PHACTR2: variants seen among roughly 807,000 people sequenced by gnomAD.
The protein encoded by PHACTR2 is chromosome 6 open reading frame 56.
In PHACTR2, 30 loss-of-function variants were observed where a neutral mutation model predicts 76.0. That is an observed-to-expected ratio of 0.39 (90% CI 0.30 to 0.54). The LOEUF is 0.54. Among genes scored for constraint, PHACTR2 ranks in the 20% least tolerant of loss-of-function variants. PHACTR2 has a pLI of 0.61. For missense variants in PHACTR2, 696 were observed against 781.1 expected (o/e 0.89, Z 1.30); for synonymous variants, 292 against 292.5 (o/e 1.00, Z 0.02).
At chr6:143,593,829 A>G (rs1775720229) in intron 1 of PHACTR2, among the ~76,000 whole-genome samples, 1 of 152,222 alleles carries the variant, frequency 6.6e-6, no homozygotes, top group African/African-American at 2.4e-5. Flanking sequence ...ATCTCACTTC[A>G]AAAACACAAA....
chr6:143,624,198 CT>C lies in PHACTR2; in HGVS notation c.13+15877del, dbSNP rs1167332946. 3.9e-5 allele frequency among the ~76,000 whole-genome samples: 6 copies of C among 152,130 alleles called. No homozygotes were observed. Among genetic ancestry groups the C allele is most frequent in the East Asian group, 1.9e-4 (1 of 5,196 alleles). On this transcript the variant is annotated intron_variant, in intron 1 of 11. Transcript: ENST00000305766. This position sits in a 1 kb window ranked among gnomAD's most constrained non-coding sequence, Gnocchi z 4.6. ...CTCGGCTCATTACAACCTCTGCCCC[CT>C]GGGTTGAAGCAATTCTCCTGCCTCA...
Position 143,712,137 on chromosome 6 carries a change from A to G in PHACTR2, c.168A>G (p.Lys56=), listed in dbSNP as rs1488293148. ...TTGGTAAAATCTTTAAGCCTTGGAA[A>G]TGGAGGAAAAAGAAGACCAGCGACA... ...STIGKIFKPW[K]WRKKKTSDKF... Residue 56 remains lysine (K), a synonymous_variant, in exon 2 of 13, where the codon AAA becomes AAG. Coordinates refer to ENST00000440869, the MANE Select transcript of PHACTR2 (RefSeq NM_001100164.2). 2 of 1,569,802 alleles carry G rather than the reference A, an allele frequency of 1.3e-6. No individual in the cohort carries two copies. Among genetic ancestry groups the G allele is most frequent in the Non-Finnish European group, 1.7e-6 (2 of 1,162,644 alleles).
At chr6:143,670,369 C>T (rs1777131912) in intron 1 of PHACTR2, among the ~76,000 whole-genome samples, 1 of 152,014 alleles carries the variant, frequency 6.6e-6, no homozygotes, top group East Asian at 1.9e-4. Flanking sequence ...TCTGTATTTC[C>T]CGAATTTGAA....
At chr6:143,566,302 A>T (rs540582514) in intron 1 of PHACTR2, among the ~76,000 whole-genome samples, 32 of 149,348 alleles carry the variant, frequency 2.1e-4, no homozygotes, top group Non-Finnish European at 3.4e-4. Context: ...CTTATTTTGT[A>T]TTTTTTTTTA....
intron 2 of PHACTR2, among the ~76,000 whole-genome samples, chr6:143,715,139 C>G (rs1324410199): frequency 6.6e-6 from 1 of 152,140 alleles, no homozygotes; most frequent in African/African-American, 2.4e-5. Context: ...TCCAAGCCTC[C>G]GAACCATTAA....
chr6:143,607,851 AC>A (rs1178568141), upstream of PHACTR2, among the ~76,000 whole-genome samples: 1 of 152,188 alleles, frequency 6.6e-6, no homozygotes, highest in Non-Finnish European at 1.5e-5. Context: ...ATTTAGACAA[AC>A]CCCAAGGAAA....
chr6:143,736,386 C>T (rs1193367091), intron 2 of PHACTR2, among the ~76,000 whole-genome samples: 2 of 151,992 alleles, frequency 1.3e-5, no homozygotes, highest in African/African-American at 4.8e-5. Flanking sequence ...CTTGAGTTTG[C>T]ATTCTTAATC....
At chr6:143,638,639 T>G (rs546172562) in intron 1 of PHACTR2, among the ~76,000 whole-genome samples, 2 of 152,000 alleles carry the variant, frequency 1.3e-5, no homozygotes, top group African/African-American at 4.8e-5. Context: ...TCATTTTATA[T>G]TAAGCATTAA....
chr6:143,686,729 C>T (rs1209522488), intron 1 of PHACTR2, among the ~76,000 whole-genome samples: 1 of 152,124 alleles, frequency 6.6e-6, no homozygotes, highest in Admixed American at 6.6e-5. Flanking sequence ...TCGTGATCCA[C>T]CTGCCTCGGC....
In PHACTR2 at chr6:143,821,235, TAATA is replaced by T. The variant is rs1776411732; in HGVS notation, c.1923-2435_1923-2432del. On this transcript the variant is annotated intron_variant, in intron 12 of 12. Coordinates refer to ENST00000440869, the MANE Select transcript of PHACTR2 (RefSeq NM_001100164.2). The surrounding 1 kb of genome is among the most constrained non-coding windows in gnomAD (Gnocchi z 5.2). The stretch of plus-strand genomic sequence containing the variant: ...CAAAGTGGACACATTCCTGCTTTAG[TAATA>T]AATTGCCTACCAGTTTTGTAAAGCT... Among the ~76,000 whole-genome samples, 1 of 152,274 alleles carries T rather than the reference TAATA, an allele frequency of 6.6e-6. No homozygotes were observed. The highest frequency in any genetic ancestry group is 1.5e-5 in the Non-Finnish European group (1 of 68,042).
chr6:143,612,038 T>C (rs1161554514), intron 1 of PHACTR2, among the ~76,000 whole-genome samples: 1 of 152,186 alleles, frequency 6.6e-6, no homozygotes, highest in East Asian at 1.9e-4. Flanking sequence ...CATTTTGACA[T>C]TGTTGGGTTT....
Position 143,754,870 on chromosome 6 carries a change from C to T in PHACTR2, c.454+958C>T, listed in dbSNP as rs1437219495. Reference sequence around the variant, plus strand: ...GTGTGTGTTCTGTGGGCATTTTGAACTCTTAGAAACTGATGAAAGTGAATT... The same window carrying T: ...GTGTGTGTTCTGTGGGCATTTTGAATTCTTAGAAACTGATGAAAGTGAATT... On this transcript the variant is annotated intron_variant, in intron 4 of 12. Transcript: ENST00000440869. This position sits in a 1 kb window ranked among gnomAD's most constrained non-coding sequence, Gnocchi z 6.2. Among the ~76,000 whole-genome samples, 1 of 152,118 alleles carries T rather than the reference C, an allele frequency of 6.6e-6. No homozygotes were observed. Among genetic ancestry groups the T allele is most frequent in the Admixed American group, 6.5e-5 (1 of 15,274 alleles).
Position 143,755,219 on chromosome 6 carries a change from T to G in PHACTR2, c.454+1307T>G. 2.2e-6 allele frequency: 1 copy of G among 451,764 alleles called. No individual in the cohort carries two copies. The highest frequency in any genetic ancestry group is 4.5e-6 in the Non-Finnish European group (1 of 224,048). 28.0% of individuals were successfully genotyped at this position (451,764 alleles called of 1,614,324 possible). A position where few individuals can be genotyped will look rare whatever the true frequency, so the allele number is the denominator to read the frequency against. The stretch of plus-strand genomic sequence containing the variant: ...CTGGAACATAAAAAGAAAGTAGACT[T>G]AAATAAATTTTAGTGGGATTCAGTT... On this transcript the variant is annotated intron_variant, in intron 4 of 12. Transcript: ENST00000440869. This position sits in a 1 kb window ranked among gnomAD's most constrained non-coding sequence, Gnocchi z 5.2.
At position 143,539,837 on chromosome 6, in the gene PHACTR2, T is replaced by A. The variant is rs1158713490; in HGVS notation, c.217+2630T>A. Among the ~76,000 whole-genome samples the A allele has an allele frequency of 6.6e-6, 1 of 152,202 alleles. No individual in the cohort carries two copies. Among genetic ancestry groups the A allele is most frequent in the African/African-American group, 2.4e-5 (1 of 41,450 alleles). On this transcript the variant is annotated intron_variant, in intron 1 of 11. Transcript: ENST00000367584. This position sits in a 1 kb window ranked among gnomAD's most constrained non-coding sequence, Gnocchi z 4.3. ...TTTGAAAAGTGCTGCTCTCCCACAC[T>A]GGTTTTCAAACTTGGCTACACGTAG...
In PHACTR2 at chr6:143,639,318, A is replaced by C. The variant is rs942080212; in HGVS notation, c.13+30996A>C. Among the ~76,000 whole-genome samples the C allele has an allele frequency of 2.6e-5, 4 of 152,238 alleles. No individual in the cohort carries two copies. Among genetic ancestry groups the C allele is most frequent in the African/African-American group, 9.6e-5 (4 of 41,458 alleles). On this transcript the variant is annotated intron_variant, in intron 1 of 11. Coordinates refer to the PHACTR2 transcript ENST00000305766. The surrounding 1 kb of genome is among the most constrained non-coding windows in gnomAD (Gnocchi z 5.0). ...AAACAAATGTAACAGAACTTTATAT[A>C]GTGATTTAATCTTTAAATCACGTTG...
upstream of PHACTR2, among the ~76,000 whole-genome samples, chr6:143,673,328 A>G (rs542171752): frequency 6.7e-6 from 1 of 149,880 alleles, no homozygotes; most frequent in African/African-American, 2.4e-5. Flanking sequence ...GTATTCCCAG[A>G]TTTTTTTTTT....
chr6:143,712,542 TTTAG>T (rs926891461), intron 2 of PHACTR2, among the ~76,000 whole-genome samples: 4 of 151,640 alleles, frequency 2.6e-5, no homozygotes, highest in Non-Finnish European at 5.9e-5. Flanking sequence ...ATGTTATATA[TTTAG>T]TTAGACTATA....
chr6:143,603,216 C>T (rs1440288242), upstream of PHACTR2, among the ~76,000 whole-genome samples: 1 of 151,134 alleles, frequency 6.6e-6, no homozygotes, highest in Non-Finnish European at 1.5e-5. Context: ...ATGTCTTTAC[C>T]TCCAACAATT....
At chr6:143,713,175 C>T (rs923410537) in intron 2 of PHACTR2, among the ~76,000 whole-genome samples, 2 of 152,148 alleles carry the variant, frequency 1.3e-5, no homozygotes, top group African/African-American at 2.4e-5. Flanking sequence ...AAAAATACTA[C>T]ACACAATGCA....
Sources: gnomAD v4.1 joint callset for allele counts (sites outside exome capture counted in the v4.1 genomes callset) on GRCh38, gnomAD v4.1.1 for gene constraint, Gnocchi (gnomAD v3.1) non-coding constraint, MANE v1.5 for transcripts, NCBI Gene and HGNC (gene_info 2026-07-23, HGNC 2026-07-21) for gene names.